The following DNAH7 variants were observed in gnomAD, a reference collection of about 807,000 sequenced individuals.
The protein encoded by DNAH7 is dynein axonemal heavy chain 7, also known as axonemal beta dynein heavy chain 7.
DNAH7 carries 397 observed loss-of-function variants against 444.6 expected under a neutral mutation model. That is an observed-to-expected ratio of 0.89 (90% CI 0.82 to 0.97). DNAH7 has a LOEUF of 0.97. Ranked by LOEUF, DNAH7 falls within the 50% of genes least tolerant of loss-of-function variation. The pLI is 0.00. For synonymous variants in DNAH7, 1,636 were observed against 1,624.4 expected, an observed-to-expected ratio of 1.01 and a Z score of -0.17; for missense variants, 4,902 against 4,800.8, an observed-to-expected ratio of 1.02 and a Z score of -0.62.
intron 48 of DNAH7, among the ~76,000 whole-genome samples, chr2:195,830,060 C>T (rs1055829720): frequency 2.0e-5 from 3 of 152,098 alleles, no homozygotes; most frequent in Non-Finnish European, 2.9e-5. Context: ...ACTCCTTTAA[C>T]TTTTAATTAG....
intron 6 of DNAH7, 107 bp from the exon 7 acceptor site, chr2:196,027,047 T>C: frequency 1.3e-6 from 1 of 791,914 alleles, no homozygotes; most frequent in Non-Finnish European, 1.9e-6. Flanking sequence ...AAAGTATTTA[T>C]AAAGCATAAA....
At chr2:195,992,551 T>C (rs555441653) in intron 12 of DNAH7, among the ~76,000 whole-genome samples, 1 of 152,228 alleles carries the variant, frequency 6.6e-6, no homozygotes, top group Non-Finnish European at 1.5e-5. Context: ...TATTTTCAAT[T>C]CAATTAAACA....
In DNAH7 at chr2:195,897,720, T is replaced by C. The variant is rs139274808; in HGVS notation, c.4594A>G (p.Ile1532Val). 1.9e-3 allele frequency: 3,073 copies of C among 1,599,870 alleles called. 80 individuals are homozygous for C. The South Asian group carries it at 0.025, about 13-fold the overall frequency. The change falls in exon 29 of 65, where the codon ATC becomes GTC. Residue 1532 changes from isoleucine to valine, a missense_variant. By Grantham distance (29) the Ile-to-Val change is conservative. Coordinates refer to ENST00000312428, the MANE Select transcript of DNAH7 (RefSeq NM_018897.3). ...ENEEILLLRS[I>V]IDVNLPKFLS... ...AATTTTGGCAGATTTACATCAATGA[T>C]AGATCTAAGCAGCAAAATTTCTTCA...
intron 63 of DNAH7, among the ~76,000 whole-genome samples, chr2:195,752,552 T>C (rs566471597): frequency 6.6e-6 from 1 of 152,118 alleles, no homozygotes; most frequent in African/African-American, 2.4e-5. Flanking sequence ...TGTTTAAAGA[T>C]AAAAAAGAAT....
chr2:195,946,257 T>C (rs1689797547), intron 19 of DNAH7, among the ~76,000 whole-genome samples: 1 of 152,102 alleles, frequency 6.6e-6, no homozygotes, highest in Non-Finnish European at 1.5e-5. Context: ...TAACCTAATC[T>C]TAAAAGTAAG....
At chr2:196,023,159 G>A (rs1428481807) in intron 8 of DNAH7, among the ~76,000 whole-genome samples, 1 of 152,140 alleles carries the variant, frequency 6.6e-6, no homozygotes, top group Admixed American at 6.5e-5. Context: ...CCTCGCAATG[G>A]TAAGTTCTCA....
At chr2:195,987,559 G>A (rs184514238) in intron 13 of DNAH7, among the ~76,000 whole-genome samples, 1 of 152,042 alleles carries the variant, frequency 6.6e-6, no homozygotes, top group Admixed American at 6.6e-5. Flanking sequence ...AAATGTAAAG[G>A]GGGACAGAAA....
At chr2:195,802,984 CAT>C (rs1696547634) in intron 54 of DNAH7, among the ~76,000 whole-genome samples, 1 of 152,324 alleles carries the variant, frequency 6.6e-6, no homozygotes, top group African/African-American at 2.4e-5. Context: ...ACTTATTTCA[CAT>C]ATGATAAATG....
chr2:195,872,355 G>A lies in DNAH7; in HGVS notation c.6528C>T (p.Tyr2176=). 6.2e-7 allele frequency: 1 copy of A among 1,613,900 alleles called. No homozygotes were observed. The highest frequency in any genetic ancestry group is 8.5e-7 in the Non-Finnish European group (1 of 1,179,868). Residue 2176 remains tyrosine (Y), a synonymous_variant, in exon 40 of 65, where the codon TAC becomes TAT. Coordinates refer to ENST00000312428, the MANE Select transcript of DNAH7 (RefSeq NM_018897.3). Reference sequence around the variant, plus strand: ...GGGAGAAATCACGGAGGTTGAACAAGTAGTGAGATTTAGCTGGAGTAGGCA... The same window carrying A: ...GGGAGAAATCACGGAGGTTGAACAAATAGTGAGATTTAGCTGGAGTAGGCA... ...NLLPTPAKSH[Y]LFNLRDFSRV... is the part of the protein sequence containing the mutation.
At chr2:195,957,815 T>C (rs955733021) in intron 18 of DNAH7, among the ~76,000 whole-genome samples, 11 of 152,128 alleles carry the variant, frequency 7.2e-5, no homozygotes, top group Non-Finnish European at 1.3e-4. Context: ...TTATCTACTA[T>C]TGGGCTGGTT....
In DNAH7 at chr2:195,934,599, T is replaced by A; in HGVS notation, c.3463A>T (p.Ile1155Phe). The A allele has an allele frequency of 6.2e-7, 1 of 1,613,926 alleles. No homozygotes were observed. The highest frequency in any genetic ancestry group is 8.5e-7 in the Non-Finnish European group (1 of 1,179,824). ...VELERVMINSIHKVTGDATFA... is the reference protein window; with the variant it reads ...VELERVMINSFHKVTGDATFA... ...TCAGTATAATCAGCTACCTTGTGGA[T>A]GGAGTTAATCATAACTCTCTCTAAT... Residue 1155 changes from isoleucine (I) to phenylalanine (F), a missense_variant, in exon 21 of 65, where the codon ATC becomes TTC. Coordinates refer to ENST00000312428, the MANE Select transcript of DNAH7 (RefSeq NM_018897.3).
intron 47 of DNAH7, 120 bp downstream of exon 47, chr2:195,844,873 TTAATTTCAC>T: frequency 1.4e-6 from 1 of 735,228 alleles, no homozygotes; most frequent in South Asian, 2.0e-5. Context: ...TTACTCATAC[TTAATTTCAC>T]TAATTAGTTA....
At position 196,028,014 on chromosome 2, in the gene DNAH7, A is replaced by G; in HGVS notation, c.432T>C (p.Pro144=). The G allele has an allele frequency of 1.2e-6, 2 of 1,611,402 alleles. No homozygotes were observed. Among genetic ancestry groups the G allele is most frequent in the South Asian group, 1.1e-5 (1 of 90,652 alleles). Residue 144 remains proline, a synonymous_variant, in exon 6 of 65, where the codon CCT becomes CCC. Transcript: ENST00000312428. ...TCGGTTTTGGAATTGTGCTTCCATCAGGGACAGCTGAGTCTAAGTCAGCAT... is the reference window on the plus strand; with the variant it reads ...TCGGTTTTGGAATTGTGCTTCCATCGGGGACAGCTGAGTCTAAGTCAGCAT... ...QQDADLDSAV[P]DGSTIPKPTA...
At chr2:195,896,198 G>C (rs1277987215) in intron 29 of DNAH7, among the ~76,000 whole-genome samples, 1 of 152,102 alleles carries the variant, frequency 6.6e-6, no homozygotes, top group African/African-American at 2.4e-5. Flanking sequence ...CCAATATTAG[G>C]TATGATCCAT....
chr2:195,853,678 G>T, intron 45 of DNAH7, 150 bp from the exon 46 acceptor site: 1 of 714,650 alleles, frequency 1.4e-6, no homozygotes, highest in Non-Finnish European at 2.2e-6. Flanking sequence ...GAAAGTCCAT[G>T]ATATTTTAGA....
chr2:196,027,646 A>T (rs1695773354), intron 6 of DNAH7, among the ~76,000 whole-genome samples: 1 of 152,100 alleles, frequency 6.6e-6, no homozygotes, highest in Non-Finnish European at 1.5e-5. Flanking sequence ...GCCTTGTAAA[A>T]TATACATTAT....
intron 5 of DNAH7, among the ~76,000 whole-genome samples, chr2:196,033,426 T>C (rs1212266778): frequency 1.3e-5 from 2 of 152,178 alleles, no homozygotes; most frequent in African/African-American, 2.4e-5. Context: ...AACTAAGTCT[T>C]TGTAGCCTTT....
At chr2:196,031,414 A>G (rs1325647703) in intron 5 of DNAH7, among the ~76,000 whole-genome samples, 3 of 152,186 alleles carry the variant, frequency 2.0e-5, no homozygotes, top group Non-Finnish European at 2.9e-5. Context: ...TATTTTTCCC[A>G]TTGTCTTGGG....
chr2:196,025,459 C>G (rs1427431242), intron 7 of DNAH7, among the ~76,000 whole-genome samples: 2 of 152,078 alleles, frequency 1.3e-5, no homozygotes, highest in Non-Finnish European at 2.9e-5. Flanking sequence ...AGATTCTGTC[C>G]CCTTCCCCAG....
Sources: gnomAD v4.1 joint callset for allele counts (sites outside exome capture counted in the v4.1 genomes callset) on GRCh38, gnomAD v4.1.1 for gene constraint, MANE v1.5 for transcripts, NCBI Gene and HGNC (gene_info 2026-07-23, HGNC 2026-07-21) for gene names.